Variants in MYO9B observed in about 807,000 individuals in gnomAD.
The protein encoded by MYO9B is myosin IXB.
A neutral mutation model predicts 229.5 loss-of-function variants in MYO9B; 71 were observed. The ratio of observed to expected loss-of-function variants is 0.31; its 90% confidence interval spans 0.26 to 0.38. The LOEUF is 0.38. MYO9B is among the 10% of genes least tolerant of loss of function. The pLI, the probability that MYO9B is intolerant of heterozygous loss-of-function variation, is 1.00. For missense variants in MYO9B, 2,255 were observed against 2,920.5 expected, an observed-to-expected ratio of 0.77 and a Z score of 5.25; for synonymous variants, 1,185 against 1,235.8, an observed-to-expected ratio of 0.96 and a Z score of 0.86.
chr19:17,194,862 G>T lies in MYO9B; in HGVS notation c.3435G>T (p.Arg1145=). The change falls in exon 22 of 40, where the codon CGG becomes CGT. Residue 1145 remains arginine, a synonymous_variant. Coordinates refer to ENST00000682292, the MANE Select transcript of MYO9B (RefSeq NM_004145.4). ...AESHEKVPSS[R]EKRESRRQRG... is the part of the protein sequence containing the mutation. ...GTCACGAGAAAGTCCCCAGCAGCCGGGAGAAGCGTGAGTCGCGTCGGCAAA... is the reference window on the plus strand; with the variant it reads ...GTCACGAGAAAGTCCCCAGCAGCCGTGAGAAGCGTGAGTCGCGTCGGCAAA... 6.2e-7 allele frequency: 1 copy of T among 1,613,334 alleles called. No individual in the cohort carries two copies. Among genetic ancestry groups the T allele is most frequent in the Non-Finnish European group, 8.5e-7 (1 of 1,179,894 alleles).
chr19:17,077,614 G>T (rs2057498469), intron 1 of MYO9B, among the ~76,000 whole-genome samples: 1 of 152,146 alleles, frequency 6.6e-6, no homozygotes, highest in Non-Finnish European at 1.5e-5. Context: ...TCAAGTCTCT[G>T]TGCCTGTTTC....
rs148095427 is a variant in MYO9B at position 17,093,150 on chromosome 19, G to A, written c.-58-8510G>A. Among the ~76,000 whole-genome samples the A allele has an allele frequency of 4.1e-3, 625 of 152,150 alleles. 5 individuals are homozygous for A. Among genetic ancestry groups the A allele is most frequent in the South Asian group, 0.023 (111 of 4,816 alleles). On this transcript the variant is annotated intron_variant, in intron 1 of 39. Transcript: ENST00000682292. ...AGTTGGAGACCAGCCTGACCAACAT[G>A]GTGAAACCCTGTCTCAACCAAAAAT...
chr19:17,140,310 G>A (rs2072322029), intron 2 of MYO9B, among the ~76,000 whole-genome samples: 1 of 152,108 alleles, frequency 6.6e-6, no homozygotes, highest in Non-Finnish European at 1.5e-5. Context: ...GTCAGGTGAA[G>A]GCCCTCTTCT....
intron 2 of MYO9B, among the ~76,000 whole-genome samples, chr19:17,107,415 G>A (rs530440638): frequency 1.3e-5 from 2 of 152,292 alleles, no homozygotes; most frequent in Non-Finnish European, 2.9e-5. Context: ...TTGCCACCTA[G>A]GTCTCAGTTC....
At chr19:17,197,279 A>G (rs1252798430) in intron 22 of MYO9B, among the ~76,000 whole-genome samples, 1 of 149,364 alleles carries the variant, frequency 6.7e-6, no homozygotes, top group African/African-American at 2.5e-5. Flanking sequence ...CTCCGTCTAA[A>G]AAAAAAAAAA....
intron 1 of MYO9B, among the ~76,000 whole-genome samples, chr19:17,091,595 G>A (rs1305456406): frequency 2.0e-5 from 3 of 152,152 alleles, no homozygotes; most frequent in Non-Finnish European, 2.9e-5. Context: ...CAGGTATAGG[G>A]GGTCAGCCCA....
At chr19:17,204,468 AAT>A (rs1251351530) in intron 30 of MYO9B, among the ~76,000 whole-genome samples, 4 of 151,724 alleles carry the variant, frequency 2.6e-5, no homozygotes, top group African/African-American at 9.6e-5. Flanking sequence ...TGAGGCCATG[AAT>A]GGCCACCTTG....
At chr19:17,139,494 C>T (rs959823386) in intron 2 of MYO9B, among the ~76,000 whole-genome samples, 27 of 151,956 alleles carry the variant, frequency 1.8e-4, no homozygotes, top group Admixed American at 6.6e-5. Context: ...CCTGTAATCT[C>T]AACACTTTGA....
At chr19:17,100,261 G>A (rs1461711789) in intron 1 of MYO9B, among the ~76,000 whole-genome samples, 1 of 152,008 alleles carries the variant, frequency 6.6e-6, no homozygotes, top group Non-Finnish European at 1.5e-5. Context: ...CCTGAGGTCA[G>A]GAGTTTGAGA....
chr19:17,187,926 C>G lies in MYO9B; in HGVS notation c.2578-9C>G. 2 of 1,571,526 alleles carry G rather than the reference C, an allele frequency of 1.3e-6. No homozygotes were observed. Among genetic ancestry groups the G allele is most frequent in the East Asian group, 2.4e-5 (1 of 42,490 alleles). ...GCCACCTGCCTGATGTCTCGCATTC[C>G]CATTTCAGAAAGAGCTGTGCTTTGA... On this transcript the variant is annotated splice_polypyrimidine_tract_variant and intron_variant, in intron 18 of 39. Coordinates refer to ENST00000682292, the MANE Select transcript of MYO9B (RefSeq NM_004145.4).
intron 1 of MYO9B, among the ~76,000 whole-genome samples, chr19:17,100,425 A>G (rs1470159655): frequency 6.6e-6 from 1 of 152,142 alleles, no homozygotes. Flanking sequence ...GTGAGCCGAG[A>G]TCACACCACT....
Position 17,205,290 on chromosome 19 carries a change from G to A in MYO9B, c.5018G>A (p.Cys1673Tyr). 6.2e-7 allele frequency: 1 copy of A among 1,613,818 alleles called. No individual in the cohort carries two copies. The highest frequency in any genetic ancestry group is 8.5e-7 in the Non-Finnish European group (1 of 1,179,834). ...SVCKMTCHKK[C>Y]VHKIQSHCSY... ...TGCAAGATGACCTGCCACAAGAAGT[G>A]CGTGCACAAGATTCAGAGCCACTGC... The change falls in exon 31 of 40, where the codon TGC becomes TAC. Residue 1673 changes from cysteine (C) to tyrosine (Y), a missense_variant. Cys to Tyr is a radical substitution (Grantham distance 194). This residue lies in a region of MYO9B where 416 missense variants were observed against 605.5 expected (regional missense o/e 0.69). Coordinates refer to ENST00000682292, the MANE Select transcript of MYO9B (RefSeq NM_004145.4).
chr19:17,090,340 G>A (rs761113941), intron 1 of MYO9B, among the ~76,000 whole-genome samples: 2 of 151,786 alleles, frequency 1.3e-5, no homozygotes, highest in Admixed American at 6.6e-5. Context: ...CTGTAGAGAC[G>A]AGGTTTCGCC....
intron 10 of MYO9B, among the ~76,000 whole-genome samples, chr19:17,163,587 C>T (rs572658286): frequency 4.6e-5 from 7 of 152,138 alleles, no homozygotes; most frequent in Middle Eastern, 3.4e-3. Context: ...AGGCTAGTCT[C>T]GAACTCCTGA....
intron 36 of MYO9B, 87 bp from the exon 37 acceptor site, chr19:17,210,246 C>A: frequency 7.3e-7 from 1 of 1,368,326 alleles, no homozygotes; most frequent in Non-Finnish European, 9.8e-7. Context: ...GACCCCCTAT[C>A]TTGGTACCGG....
intron 15 of MYO9B, among the ~76,000 whole-genome samples, chr19:17,181,758 G>A (rs180878060): frequency 4.6e-5 from 7 of 151,910 alleles, no homozygotes; most frequent in South Asian, 2.1e-4. Context: ...TCTTTCTTTC[G>A]TTCGTTCTTT....
intron 1 of MYO9B, among the ~76,000 whole-genome samples, chr19:17,094,860 T>A (rs998082804): frequency 6.6e-6 from 1 of 152,130 alleles, no homozygotes; most frequent in Middle Eastern, 3.2e-3. Flanking sequence ...GAGGTTTGCT[T>A]GAGCCAGGGG....
At chr19:17,129,335 G>A (rs1207482455) in intron 2 of MYO9B, among the ~76,000 whole-genome samples, 1 of 152,192 alleles carries the variant, frequency 6.6e-6, no homozygotes, top group Non-Finnish European at 1.5e-5. Context: ...CCGGGAGGTG[G>A]AGGCTGCAGT....
intron 1 of MYO9B, among the ~76,000 whole-genome samples, chr19:17,084,602 A>G (rs769611107): frequency 2.0e-5 from 3 of 150,498 alleles, no homozygotes; most frequent in Non-Finnish European, 3.0e-5. Context: ...AGTGGCTCAC[A>G]TCTGTAATCC....
Sources: gnomAD v4.1 joint callset for allele counts (sites outside exome capture counted in the v4.1 genomes callset) on GRCh38, gnomAD v4.1.1 for gene constraint, gnomAD v4.1.1 regional missense constraint, MANE v1.5 for transcripts, NCBI Gene and HGNC (gene_info 2026-07-23, HGNC 2026-07-21) for gene names.